The following HMBOX1 variants were observed in gnomAD, a reference collection of about 807,000 sequenced individuals.
HMBOX1 encodes homeobox-containing protein 1.
HMBOX1 carries 14 observed loss-of-function variants against 54.5 expected under a neutral mutation model. The ratio of observed to expected loss-of-function variants is 0.26; its 90% CI spans 0.17 to 0.40. The LOEUF (loss-of-function observed/expected upper bound fraction) is 0.40, where lower values mean the gene tolerates loss of function less well. Among genes scored for constraint, HMBOX1 ranks in the 10% least tolerant of loss-of-function variants. The pLI is 1.00. For missense variants in HMBOX1, 332 were observed against 514.4 expected, an observed-to-expected ratio of 0.65 and a Z score of 3.43; for synonymous variants, 160 against 181.0, an observed-to-expected ratio of 0.88 and a Z score of 0.93.
intron 2 of HMBOX1, among the ~76,000 whole-genome samples, chr8:28,966,944 A>G (rs529543799): frequency 1.3e-5 from 2 of 152,348 alleles, no homozygotes; most frequent in South Asian, 4.1e-4. Context: ...CAGCAAGAAG[A>G]GCAGGGATAT....
intron 9 of HMBOX1, chr8:29,049,662 T>C: frequency 2.7e-6 from 1 of 365,270 alleles, no homozygotes; most frequent in South Asian, 9.6e-5. Context: ...AAAATGTATT[T>C]AATTGTAGCC....
intron 4 of HMBOX1, among the ~76,000 whole-genome samples, chr8:28,993,996 T>C (rs1226967992): frequency 6.6e-6 from 1 of 152,040 alleles, no homozygotes; most frequent in Non-Finnish European, 1.5e-5. Context: ...TTATGAAACC[T>C]GTCTCTACTA....
Position 28,973,812 on chromosome 8 carries a change from T to TTTG in HMBOX1, c.500+3295_500+3296insGTT, listed in dbSNP as rs1827877072. On this transcript the variant is annotated intron_variant, in intron 3 of 9. Coordinates refer to ENST00000287701, the MANE Select transcript of HMBOX1 (RefSeq NM_001135726.3). ...CGAGATACATAATGGAGTTTTTTTT[T>TTTG]TTTTTTTTTTTTTTTTTTTTTTGAG... is the stretch of plus-strand genomic sequence containing the variant. 1.2e-4 allele frequency among the ~76,000 whole-genome samples: 3 copies of TTTG among 26,060 alleles called. 1 individual carries two copies. Among genetic ancestry groups the TTTG allele is most frequent in the African/African-American group, 2.6e-4 (2 of 7,638 alleles). 17.1% of individuals were successfully genotyped at this position (26,060 alleles called of 152,430 possible).
intron 1 of HMBOX1, among the ~76,000 whole-genome samples, chr8:28,956,140 C>G (rs1427222651): frequency 6.6e-6 from 1 of 151,802 alleles, no homozygotes; most frequent in East Asian, 1.9e-4. Flanking sequence ...ACATTTAGAC[C>G]AATGAAATAT....
At chr8:29,022,663 A>G (rs1041300485) in intron 6 of HMBOX1, among the ~76,000 whole-genome samples, 3 of 152,182 alleles carry the variant, frequency 2.0e-5, no homozygotes, top group Non-Finnish European at 4.4e-5. Context: ...AAAACAAGGC[A>G]GAATCAACTG....
chr8:29,048,232 T>C (rs1032196149), intron 8 of HMBOX1, among the ~76,000 whole-genome samples: 16 of 152,174 alleles, frequency 1.1e-4, no homozygotes, highest in Admixed American at 5.2e-4. Flanking sequence ...TTAAGAAATA[T>C]GGATTCTTGA....
chr8:28,970,019 T>C lies in HMBOX1; in HGVS notation c.24-24T>C, dbSNP rs1341001651. 7.0e-7 allele frequency: 1 copy of C among 1,425,018 alleles called. No individual in the cohort carries two copies. The highest frequency in any genetic ancestry group is 9.8e-7 in the Non-Finnish European group (1 of 1,019,324). The allele number at this position is 1,425,018 out of a possible 1,614,324, so 88.3% of individuals were successfully genotyped here. A position where few individuals can be genotyped will look rare whatever the true frequency, so the allele number is the denominator to read the frequency against. ...TGGTAGATACTGTCAATAAAGAGAC[T>C]TCTTTTTATCTCTTTTTTTTTAGTT... On this transcript the variant is annotated intron_variant, in intron 2 of 9. Transcript: ENST00000287701. The surrounding 1 kb of genome is among the most constrained non-coding windows in gnomAD (Gnocchi z 4.3).
chr8:29,013,101 G>A (rs916179658), intron 5 of HMBOX1, among the ~76,000 whole-genome samples: 5 of 152,168 alleles, frequency 3.3e-5, no homozygotes, highest in South Asian at 2.1e-4. Context: ...ATTCCTGGGC[G>A]TTGGAGCATT....
intron 3 of HMBOX1, among the ~76,000 whole-genome samples, chr8:28,971,815 A>G (rs1827481511): frequency 6.6e-6 from 1 of 152,164 alleles, no homozygotes; most frequent in African/African-American, 2.4e-5. Flanking sequence ...TGATAAAGGT[A>G]TTGTTTTCAG....
intron 6 of HMBOX1, among the ~76,000 whole-genome samples, chr8:29,038,026 T>G (rs1057180246): frequency 9.2e-5 from 14 of 152,218 alleles, no homozygotes; most frequent in African/African-American, 2.4e-5. Flanking sequence ...ATAGTTCACA[T>G]GAAGGCACAG....
intron 1 of HMBOX1, among the ~76,000 whole-genome samples, chr8:28,948,007 C>T (rs1008845187): frequency 1.3e-5 from 2 of 152,170 alleles, no homozygotes; most frequent in Non-Finnish European, 2.9e-5. Flanking sequence ...ACTACAGCCT[C>T]TATCTCCTGG....
intron 1 of HMBOX1, among the ~76,000 whole-genome samples, chr8:28,924,445 A>G (rs949083832): frequency 7.2e-6 from 1 of 138,178 alleles, no homozygotes; most frequent in Non-Finnish European, 1.6e-5. Context: ...AATACAATTT[A>G]TCTAATTTTT....
At chr8:28,949,503 A>G (rs919960570) in intron 1 of HMBOX1, among the ~76,000 whole-genome samples, 1 of 152,212 alleles carries the variant, frequency 6.6e-6, no homozygotes, top group African/African-American at 2.4e-5. Context: ...ATAAATTCTT[A>G]TTAATTATCT....
chr8:28,966,456 C>A (rs1180446359), intron 2 of HMBOX1, among the ~76,000 whole-genome samples: 1 of 152,172 alleles, frequency 6.6e-6, no homozygotes, highest in Non-Finnish European at 1.5e-5. Context: ...ATCCTCTGAA[C>A]AATCCTTGTG....
At chr8:28,910,478 C>G (rs536687657) in intron 1 of HMBOX1, among the ~76,000 whole-genome samples, 1 of 152,266 alleles carries the variant, frequency 6.6e-6, no homozygotes, top group East Asian at 1.9e-4. Context: ...TTTTAAGAAA[C>G]TGCAAAACTA....
At chr8:29,008,643 G>A (rs1450976658) in intron 4 of HMBOX1, among the ~76,000 whole-genome samples, 1 of 152,116 alleles carries the variant, frequency 6.6e-6, no homozygotes, top group Non-Finnish European at 1.5e-5. Flanking sequence ...TCCGTAATGA[G>A]TAACAAAACT....
chr8:28,943,240 G>A (rs1329486856), intron 1 of HMBOX1, among the ~76,000 whole-genome samples: 2 of 152,166 alleles, frequency 1.3e-5, no homozygotes, highest in South Asian at 2.1e-4. Flanking sequence ...CATACAAATT[G>A]TATTCAATAA....
intron 4 of HMBOX1, among the ~76,000 whole-genome samples, chr8:28,999,884 T>A (rs1586384613): frequency 6.6e-6 from 1 of 152,174 alleles, no homozygotes; most frequent in African/African-American, 2.4e-5. Context: ...ATATCTGGAT[T>A]TCTTCTAGGA....
chr8:28,923,158 C>T (rs903252219), intron 1 of HMBOX1, among the ~76,000 whole-genome samples: 18 of 152,158 alleles, frequency 1.2e-4, no homozygotes, highest in Non-Finnish European at 2.4e-4. Flanking sequence ...GGAAATTATA[C>T]CCATTAAGCA....
Sources: allele counts gnomAD v4.1 joint callset (sites outside exome capture counted in the v4.1 genomes callset), GRCh38; gene constraint gnomAD v4.1.1; non-coding constraint Gnocchi (gnomAD v3.1); transcripts MANE v1.5; gene names NCBI Gene and HGNC (gene_info 2026-07-23, HGNC 2026-07-21).